PAX3: variants seen among roughly 807,000 people sequenced by gnomAD.
The protein encoded by PAX3 is paired box protein Pax-3.
Under a neutral mutation model 51.6 loss-of-function variants are expected in PAX3, and 14 were observed. The observed-to-expected ratio is 0.27, with a 90% CI of 0.18 to 0.42. The LOEUF is 0.42. Ranked by LOEUF, PAX3 falls within the 10% of genes least tolerant of loss-of-function variation. The pLI is 1.00. For synonymous variants in PAX3, 280 were observed against 253.4 expected (o/e 1.11, Z -1.00); for missense variants, 540 against 642.8 (o/e 0.84, Z 1.73).
At chr2:222,279,308 T>TGTGTGTGC (rs1422555594) in intron 4 of PAX3, among the ~76,000 whole-genome samples, 1 of 150,186 alleles carries the variant, frequency 6.7e-6, no homozygotes, top group Non-Finnish European at 1.5e-5. Context: ...CCTGTGCGTG[T>TGTGTGTGC]GTGTGTGTGT....
intron 4 of PAX3, among the ~76,000 whole-genome samples, chr2:222,271,251 T>C (rs1694242533): frequency 6.6e-6 from 1 of 152,210 alleles, no homozygotes; most frequent in Admixed American, 6.5e-5. Context: ...GGTGTAGAAC[T>C]AGACCTGGGC....
intron 4 of PAX3, among the ~76,000 whole-genome samples, chr2:222,280,596 C>T (rs911249098): frequency 9.9e-5 from 15 of 152,260 alleles, no homozygotes; most frequent in Middle Eastern, 6.8e-3. Flanking sequence ...CTCATTGAGC[C>T]TCTTACAAAA....
intron 4 of PAX3, among the ~76,000 whole-genome samples, chr2:222,245,787 T>C (rs1237071369): frequency 4.2e-5 from 6 of 143,042 alleles, no homozygotes; most frequent in Non-Finnish European, 7.5e-5. Context: ...CTGGCCAACA[T>C]GGTGAAACCC....
chr2:222,215,494 G>A (rs924422609), intron 7 of PAX3, among the ~76,000 whole-genome samples: 1 of 151,906 alleles, frequency 6.6e-6, no homozygotes, highest in Admixed American at 6.6e-5. Context: ...AGTCGGGTGG[G>A]GGGTGAGGCA....
intron 3 of PAX3, among the ~76,000 whole-genome samples, chr2:222,295,224 G>A (rs1191032732): frequency 6.6e-6 from 1 of 152,178 alleles, no homozygotes; most frequent in Non-Finnish European, 1.5e-5. Context: ...CTCTTTAAAA[G>A]GGAACATCAA....
At position 222,225,132 on chromosome 2, in the gene PAX3, G is replaced by T. The variant is rs2289267; in HGVS notation, c.793-3745C>A. On this transcript the variant is annotated intron_variant, in intron 5 of 8. Transcript: ENST00000392070. The stretch of plus-strand genomic sequence containing the variant: ...TTGTCAGTAACCTACTATACTATTA[G>T]ACACAGTTAATTGTCTATCATTGCA... Among the ~76,000 whole-genome samples the T allele has an allele frequency of 9.2e-5, 14 of 152,252 alleles. No individual in the cohort carries two copies. The East Asian group carries it at 2.7e-3, about 29-fold the overall frequency.
intron 4 of PAX3, among the ~76,000 whole-genome samples, chr2:222,286,224 C>T (rs763639682): frequency 5.9e-5 from 9 of 152,264 alleles, no homozygotes; most frequent in Non-Finnish European, 1.2e-4. Flanking sequence ...AGGCGTGAGC[C>T]ACCGCGCCAG....
chr2:222,201,522 A>G, intron 8 of PAX3, 80 bp from the exon 9 acceptor site: 1 of 1,541,054 alleles, frequency 6.5e-7, no homozygotes, highest in African/African-American at 1.4e-5. Flanking sequence ...CAGGCTGACA[A>G]TGTCATATTT....
rs138922035 is a variant in PAX3, at chr2:222,281,327, C to T, written c.586+12840G>A. On this transcript the variant is annotated intron_variant, in intron 4 of 8. Coordinates refer to ENST00000392070, the MANE Select transcript of PAX3 (RefSeq NM_181458.4). Reference sequence around the variant, plus strand: ...TCCCATCTACTTGGGAATCACGAAACGGAAAATTAAAACATTTTCCCCAGA... The same window carrying T: ...TCCCATCTACTTGGGAATCACGAAATGGAAAATTAAAACATTTTCCCCAGA... Among the ~76,000 whole-genome samples, 340 of 152,314 alleles carry T rather than the reference C, an allele frequency of 2.2e-3. 1 individual carries two copies. The highest frequency in any genetic ancestry group is 3.6e-3 in the African/African-American group (148 of 41,562).
intron 4 of PAX3, among the ~76,000 whole-genome samples, chr2:222,272,962 CTGTT>C (rs947810198): frequency 1.1e-4 from 16 of 152,158 alleles, no homozygotes; most frequent in African/African-American, 2.9e-4. Flanking sequence ...TATCCTTTGA[CTGTT>C]TGTATTTCTG....
intron 4 of PAX3, among the ~76,000 whole-genome samples, chr2:222,271,274 T>C (rs1031337769): frequency 6.6e-6 from 1 of 152,092 alleles, no homozygotes; most frequent in African/African-American, 2.4e-5. Flanking sequence ...CCTGATGTCC[T>C]ATGGATTCTT....
In PAX3 at chr2:222,294,442, G is replaced by C. The variant is rs1436548598; in HGVS notation, c.452-141C>G. ...GCACTGCTCGCGGGTGTCTCCTCCT[G>C]CATCTCTGGACATCCTCATCCTTCT... On this transcript the variant is annotated intron_variant, in intron 3 of 8. Transcript: ENST00000392070. 3 of 841,128 alleles carry C rather than the reference G, an allele frequency of 3.6e-6. No individual in the cohort carries two copies. The African/African-American group carries it at 5.0e-5, about 14-fold the overall frequency. The allele number at this position is 841,128 out of a possible 1,614,324, so 52.1% of individuals were successfully genotyped here. A position where few individuals can be genotyped will look rare whatever the true frequency, so the allele number is the denominator to read the frequency against.
At chr2:222,271,305 A>G (rs910130085) in intron 4 of PAX3, among the ~76,000 whole-genome samples, 6 of 152,248 alleles carry the variant, frequency 3.9e-5, no homozygotes, top group African/African-American at 1.4e-4. Flanking sequence ...CGTAAGTGGA[A>G]TAAACTTCAA....
intron 4 of PAX3, among the ~76,000 whole-genome samples, chr2:222,254,690 C>T (rs1337169249): frequency 6.6e-6 from 1 of 152,194 alleles, no homozygotes; most frequent in Non-Finnish European, 1.5e-5. Flanking sequence ...TGATGATACT[C>T]TACAGTATAA....
chr2:222,244,734 C>CAAAAAAAAAAAAAAAAAAAAAAAAAA (rs35127003), intron 4 of PAX3, among the ~76,000 whole-genome samples: 1 of 109,722 alleles, frequency 9.1e-6, no homozygotes, highest in African/African-American at 3.3e-5. Context: ...TATTGTTCAC[C>CAAAAAAAAAAAAAAAAAAAAAAAAAA]AAAAAAAAAA....
intron 7 of PAX3, among the ~76,000 whole-genome samples, chr2:222,212,354 G>A (rs531845064): frequency 1.8e-4 from 28 of 152,080 alleles, no homozygotes; most frequent in Admixed American, 7.2e-4. Flanking sequence ...AAGGTTACCC[G>A]AACAGTCATC....
intron 4 of PAX3, among the ~76,000 whole-genome samples, chr2:222,259,978 G>C (rs1693779091): frequency 6.6e-6 from 1 of 151,702 alleles, no homozygotes; most frequent in Non-Finnish European, 1.5e-5. Context: ...AAACTCCTGG[G>C]CTCAGTGATC....
chr2:222,298,229 G>T (rs1351231651), intron 1 of PAX3: 8 of 437,104 alleles, frequency 1.8e-5, no homozygotes, highest in Middle Eastern at 6.2e-4. Context: ...TGCTTCTGCC[G>T]CTCAGAAGCC....
intron 4 of PAX3, among the ~76,000 whole-genome samples, chr2:222,271,004 A>T (rs774946650): frequency 4.6e-5 from 7 of 152,248 alleles, no homozygotes; most frequent in African/African-American, 1.7e-4. Flanking sequence ...CAATGAGTAC[A>T]AAAGGAATCA....
Sources: allele counts gnomAD v4.1 joint callset (sites outside exome capture counted in the v4.1 genomes callset), GRCh38; gene constraint gnomAD v4.1.1; transcripts MANE v1.5; gene names NCBI Gene and HGNC (gene_info 2026-07-23, HGNC 2026-07-21).